Variants in SCOC observed in about 807,000 individuals in gnomAD.
The protein encoded by SCOC is short coiled coil protein.
Under a neutral mutation model 9.9 loss-of-function variants are expected in SCOC, and 7 were observed. The ratio of observed to expected loss-of-function variants is 0.71; its 90% CI spans 0.40 to 1.33. The LOEUF (loss-of-function observed/expected upper bound fraction) is 1.33, where lower values mean the gene tolerates loss of function less well. Ranked by LOEUF, SCOC falls within the 40% of genes most tolerant of loss-of-function variation. The pLI is 0.01. For missense variants in SCOC, 66 were observed against 89.7 expected (o/e 0.74, Z 1.07); for synonymous variants, 19 against 28.2 (o/e 0.67, Z 1.03).
chr4:140,273,713 T>G (rs980961614), intron 1 of SCOC, among the ~76,000 whole-genome samples: 1 of 152,190 alleles, frequency 6.6e-6, no homozygotes, highest in African/African-American at 2.4e-5. Context: ...TTAAAGAGAT[T>G]ATTGCATAAT....
intron 1 of SCOC, among the ~76,000 whole-genome samples, chr4:140,264,710 C>T (rs762792899): frequency 2.1e-4 from 32 of 152,196 alleles, no homozygotes; most frequent in African/African-American, 1.2e-4. Context: ...GTACACATCC[C>T]GATAGGTGAA....
intron 1 of SCOC, among the ~76,000 whole-genome samples, chr4:140,292,566 T>C (rs1049652971): frequency 9.2e-5 from 14 of 152,178 alleles, no homozygotes; most frequent in Admixed American, 2.0e-4. Context: ...TTTTTCCTTA[T>C]GAAACCCAAC....
chr4:140,281,169 A>G (rs542898672), intron 1 of SCOC, among the ~76,000 whole-genome samples: 2 of 151,994 alleles, frequency 1.3e-5, no homozygotes, highest in African/African-American at 4.8e-5. Flanking sequence ...TCCCCACAGA[A>G]GAAAAAGAGA....
chr4:140,297,191 A>G (rs2126445342), intron 1 of SCOC, among the ~76,000 whole-genome samples: 1 of 151,026 alleles, frequency 6.6e-6, no homozygotes, highest in African/African-American at 2.4e-5. Flanking sequence ...CTTGGGCTTC[A>G]TGAATTTGCT....
At chr4:140,280,867 T>G (rs1338448914) in intron 1 of SCOC, among the ~76,000 whole-genome samples, 1 of 152,124 alleles carries the variant, frequency 6.6e-6, no homozygotes, top group Non-Finnish European at 1.5e-5. Context: ...CTCACATGGA[T>G]GTGGAGATTT....
rs148949305 is a variant in SCOC at position 140,278,789 on chromosome 4, C to G, written c.-19+21379C>G. On this transcript the variant is annotated intron_variant, in intron 1 of 4. Coordinates refer to the SCOC transcript ENST00000394205. Reference sequence around the variant, plus strand: ...CTCCAGCTGACAACTATCTCCACTCCCTGCCATACCTCCGGCCCAAATGAT... The same window carrying G: ...CTCCAGCTGACAACTATCTCCACTCGCTGCCATACCTCCGGCCCAAATGAT... Among the ~76,000 whole-genome samples, 443 of 152,254 alleles carry G rather than the reference C, an allele frequency of 2.9e-3. 4 individuals are homozygous for G. The highest frequency in any genetic ancestry group is 0.014 in the Middle Eastern group (4 of 294).
At position 140,270,149 on chromosome 4, in the gene SCOC, C is replaced by T. The variant is rs1443137933; in HGVS notation, c.-19+12739C>T. ...TTTATTGAGTGCCTGCTGCAAGCCC[C>T]TTTGATATGGGGGATACAAGGTATA... On this transcript the variant is annotated intron_variant, in intron 1 of 4. Coordinates refer to the SCOC transcript ENST00000394205. Among the ~76,000 whole-genome samples the T allele has an allele frequency of 2.0e-5, 3 of 152,202 alleles. No homozygotes were observed. The East Asian group carries it at 5.8e-4, about 29-fold the overall frequency.
chr4:140,368,090 A>G lies in SCOC; in HGVS notation c.71-11031A>G, dbSNP rs552228893. On this transcript the variant is annotated intron_variant, in intron 2 of 4. Transcript: ENST00000338517. ...TTAATTTCAAATATTTGAATGCTGT[A>G]CAGTATCTAGCTCACGATATAGTCA... Among the ~76,000 whole-genome samples, 18 of 152,342 alleles carry G rather than the reference A, an allele frequency of 1.2e-4. 1 individual carries two copies. In the South Asian group the frequency reaches 3.7e-3, roughly 32 times the overall value.
chr4:140,361,883 A>G (rs906205813), intron 2 of SCOC, among the ~76,000 whole-genome samples: 2 of 152,168 alleles, frequency 1.3e-5, no homozygotes, highest in African/African-American at 4.8e-5. Flanking sequence ...ATGTAGTACA[A>G]AAAGAAAATC....
intron 1 of SCOC, among the ~76,000 whole-genome samples, chr4:140,274,991 T>C (rs1730950818): frequency 6.6e-6 from 1 of 152,266 alleles, no homozygotes; most frequent in Admixed American, 6.5e-5. Flanking sequence ...TGGAATTTTA[T>C]CTTCCCCATC....
intron 1 of SCOC, among the ~76,000 whole-genome samples, chr4:140,279,796 T>C (rs1731060038): frequency 6.6e-6 from 1 of 152,162 alleles, no homozygotes; most frequent in South Asian, 2.1e-4. Flanking sequence ...TTTTTCTCTC[T>C]CTCATTTTTC....
upstream of SCOC, among the ~76,000 whole-genome samples, chr4:140,339,017 G>A (rs1000985558): frequency 2.6e-5 from 4 of 152,206 alleles, no homozygotes; most frequent in African/African-American, 4.8e-5. Context: ...AAAGAACAAC[G>A]CTGGAGGCAT....
At position 140,385,613 on chromosome 4, in the gene SCOC, G is replaced by A. The variant is rs536593545; in HGVS notation, c.*4509G>A. The A allele has an allele frequency of 6.6e-6, 1 of 152,142 alleles. No homozygotes were observed. Among genetic ancestry groups the A allele is most frequent in the South Asian group, 2.1e-4 (1 of 4,822 alleles). The allele number at this position is 152,142 out of a possible 1,614,324, so 9.4% of individuals were successfully genotyped here. On this transcript the variant is annotated 3_prime_UTR_variant, in exon 4 of 4. Coordinates refer to ENST00000608372, the MANE Select transcript of SCOC (RefSeq NM_001153484.2). The stretch of plus-strand genomic sequence containing the variant: ...TAGTCCCTTTTGTAAGAGAAATATG[G>A]TAGTTGAATTATAAAATCTAAAATT...
upstream of SCOC, chr4:140,369,218 A>G (rs896107935): frequency 5.3e-6 from 2 of 380,220 alleles, no homozygotes; most frequent in Non-Finnish European, 1.0e-5. Flanking sequence ...GCTATATGGT[A>G]TACTGTTGAG....
intron 2 of SCOC, 63 bp from the exon 3 acceptor site, chr4:140,379,506 G>A (rs2126601142): frequency 8.3e-7 from 1 of 1,209,030 alleles, no homozygotes; most frequent in East Asian, 2.3e-5. Context: ...AGATTTTTAA[G>A]TGCTACCCTA....
chr4:140,380,392 G>C (rs1223785232), intron 3 of SCOC, among the ~76,000 whole-genome samples: 1 of 151,516 alleles, frequency 6.6e-6, no homozygotes, highest in Non-Finnish European at 1.5e-5. Flanking sequence ...TAGAGATAGG[G>C]TTTCACTATG....
chr4:140,257,623 G>A (rs1730538375), intron 1 of SCOC, among the ~76,000 whole-genome samples: 1 of 152,156 alleles, frequency 6.6e-6, no homozygotes, highest in African/African-American at 2.4e-5. Flanking sequence ...TGTAAATATA[G>A]GTCAGTTATT....
At chr4:140,327,615 C>A (rs78432671) in intron 1 of SCOC, among the ~76,000 whole-genome samples, 5 of 152,024 alleles carry the variant, frequency 3.3e-5, no homozygotes, top group African/African-American at 1.2e-4. Context: ...ATAGCGAGAC[C>A]CTGTTTCAAA....
chr4:140,293,276 C>T (rs1191292728), intron 1 of SCOC: 2 of 456,398 alleles, frequency 4.4e-6, no homozygotes, highest in Non-Finnish European at 8.8e-6. Flanking sequence ...AAGATGGGCT[C>T]CTCCTTGTCA....
Sources: allele counts gnomAD v4.1 joint callset (sites outside exome capture counted in the v4.1 genomes callset), GRCh38; gene constraint gnomAD v4.1.1; transcripts MANE v1.5; gene names NCBI Gene and HGNC (gene_info 2026-07-23, HGNC 2026-07-21).